Variants in DACH2 observed in about 807,000 individuals in gnomAD.
The protein encoded by DACH2 is dachshund homolog 2.
A neutral mutation model predicts 35.8 loss-of-function variants in DACH2; 17 were observed. The ratio of observed to expected loss-of-function variants is 0.48; its 90% CI spans 0.33 to 0.71. DACH2 has a LOEUF of 0.71. Ranked by LOEUF, DACH2 falls within the 30% of genes least tolerant of loss-of-function variation. The pLI, the probability that DACH2 is intolerant of heterozygous loss-of-function variation, is 0.02. For synonymous variants in DACH2, 195 were observed against 177.3 expected (o/e 1.10, Z -0.79); for missense variants, 469 against 472.7 (o/e 0.99, Z 0.07).
intron 3 of DACH2, among the ~76,000 whole-genome samples, chrX:86,581,455 A>G (rs189271515): frequency 1.8e-5 from 2 of 111,597 alleles, no homozygotes; most frequent in Admixed American, 1.9e-4. Flanking sequence ...GCAAGACTCA[A>G]TGGTGTGCAG....
intron 3 of DACH2, among the ~76,000 whole-genome samples, chrX:86,629,966 T>G (rs1325945666): frequency 1.8e-5 from 2 of 111,865 alleles, no homozygotes; most frequent in Non-Finnish European, 3.8e-5. Flanking sequence ...AGATGAACTT[T>G]ATATAAATTT....
At chrX:86,652,389 A>G (rs966413099) in intron 4 of DACH2, among the ~76,000 whole-genome samples, 7 of 112,122 alleles carry the variant, frequency 6.2e-5, no homozygotes, top group Non-Finnish European at 1.3e-4. Context: ...GCTATTGTGA[A>G]TAGTGCTGCA....
At chrX:86,662,711 T>G (rs7055634) in intron 4 of DACH2, among the ~76,000 whole-genome samples, 13,447 of 111,337 alleles carry the variant, frequency 0.12, 684 homozygotes, top group East Asian at 0.32. Flanking sequence ...CTGGGTGAAC[T>G]GTCTTAAGGT....
At chrX:86,184,811 C>A (rs1256792086) in intron 1 of DACH2, among the ~76,000 whole-genome samples, 1 of 111,498 alleles carries the variant, frequency 9.0e-6, no homozygotes, top group Non-Finnish European at 1.9e-5. Context: ...TGAGGGCTAC[C>A]GGACACAGAT....
intron 1 of DACH2, among the ~76,000 whole-genome samples, chrX:86,286,318 G>A (rs1479068138): frequency 9.2e-6 from 1 of 108,747 alleles, no homozygotes; most frequent in Non-Finnish European, 1.9e-5. Flanking sequence ...TTTTAGTAGA[G>A]ACGGGGTTTC....
intron 3 of DACH2, among the ~76,000 whole-genome samples, chrX:86,618,943 C>T (rs939795276): frequency 8.9e-6 from 1 of 111,886 alleles, no homozygotes; most frequent in East Asian, 2.8e-4. Context: ...AGGTTCAGTT[C>T]TTGCTTTTTA....
At chrX:86,171,935 A>T (rs1264405793) in intron 1 of DACH2, among the ~76,000 whole-genome samples, 1 of 111,604 alleles carries the variant, frequency 9.0e-6, no homozygotes, top group Non-Finnish European at 1.9e-5. Context: ...TTTTAAAAGG[A>T]TTAAAATTTG....
chrX:86,555,871 T>C (rs932281383), intron 3 of DACH2, among the ~76,000 whole-genome samples: 1 of 111,605 alleles, frequency 9.0e-6, no homozygotes, highest in Non-Finnish European at 1.9e-5. Context: ...GCTAATATCA[T>C]GTGAAGCACA....
At chrX:86,407,086 A>T (rs188486232) in intron 2 of DACH2, among the ~76,000 whole-genome samples, 1 of 112,137 alleles carries the variant, frequency 8.9e-6, no homozygotes, top group African/African-American at 3.2e-5. Context: ...ATTTGGTCTG[A>T]AAAGTTTTAG....
chrX:86,783,044 TA>T (rs2042103913), intron 7 of DACH2, among the ~76,000 whole-genome samples: 1 of 111,294 alleles, frequency 9.0e-6, no homozygotes. Flanking sequence ...CCAGAATATA[TA>T]ATAAACTCAA....
At chrX:86,251,207 T>C (rs1246663077) in intron 1 of DACH2, among the ~76,000 whole-genome samples, 1 of 111,407 alleles carries the variant, frequency 9.0e-6, no homozygotes, top group East Asian at 2.8e-4. Context: ...GGCTTGGAGA[T>C]GGTCTAAGAA....
In DACH2 at chrX:86,832,169, G is replaced by A. The variant is rs187543824; in HGVS notation, c.*14G>A. The A allele has an allele frequency of 2.6e-4, 300 of 1,162,627 alleles. 1 individual carries two copies. In the African/African-American group the frequency reaches 4.9e-3, roughly 19 times the overall value. On this transcript the variant is annotated 3_prime_UTR_variant, in exon 12 of 12. Coordinates refer to ENST00000373125, the MANE Select transcript of DACH2 (RefSeq NM_053281.3). ...TATTCAGCCTGAAAGGTCCTCGCTG[G>A]CTTTACATAAATGAAGATGCTTGTG... is the stretch of plus-strand genomic sequence containing the variant.
intron 4 of DACH2, among the ~76,000 whole-genome samples, chrX:86,682,174 C>T (rs1253773677): frequency 8.9e-6 from 1 of 111,856 alleles, no homozygotes; most frequent in African/African-American, 3.3e-5. Context: ...TCTAGTAAGC[C>T]TATCCTTGAA....
chrX:86,490,402 G>A (rs752852550), intron 2 of DACH2, among the ~76,000 whole-genome samples: 1 of 111,483 alleles, frequency 9.0e-6, no homozygotes, highest in African/African-American at 3.2e-5. Context: ...TGTGCTGGAG[G>A]CAGTTGTGGA....
intron 3 of DACH2, among the ~76,000 whole-genome samples, chrX:86,639,765 C>CCAT (rs765552055): frequency 5.1e-4 from 57 of 111,662 alleles, no homozygotes; most frequent in Non-Finnish European, 9.4e-4. Context: ...GTAGTTCCAG[C>CCAT]CATCAGGCTT....
At chrX:86,815,659 T>TTA (rs1050978976) in intron 10 of DACH2, among the ~76,000 whole-genome samples, 7 of 106,104 alleles carry the variant, frequency 6.6e-5, no homozygotes, top group African/African-American at 1.4e-4. Flanking sequence ...ATATATATGA[T>TTA]TATATATATA....
chrX:86,324,770 G>T (rs186389274), intron 1 of DACH2, among the ~76,000 whole-genome samples: 1 of 107,878 alleles, frequency 9.3e-6, no homozygotes, highest in Non-Finnish European at 1.9e-5. Context: ...GTAGAAATGG[G>T]GTTTCACTGT....
At chrX:86,719,432 A>G (rs1443855018) in intron 6 of DACH2, among the ~76,000 whole-genome samples, 1 of 112,112 alleles carries the variant, frequency 8.9e-6, no homozygotes, top group Admixed American at 9.5e-5. Flanking sequence ...CCCCTTTTCA[A>G]TTTGGATGCC....
intron 3 of DACH2, among the ~76,000 whole-genome samples, chrX:86,556,918 A>C (rs2039139424): frequency 9.4e-6 from 1 of 105,874 alleles, no homozygotes; most frequent in Non-Finnish European, 1.9e-5. Flanking sequence ...GAGAACTAGG[A>C]AAGCCAGTGA....
Sources: gnomAD v4.1 joint callset for allele counts (sites outside exome capture counted in the v4.1 genomes callset) on GRCh38, gnomAD v4.1.1 for gene constraint, MANE v1.5 for transcripts, NCBI Gene and HGNC (gene_info 2026-07-23, HGNC 2026-07-21) for gene names.